LUZP2: variants seen among roughly 807,000 people sequenced by gnomAD.
The protein encoded by LUZP2 is leucine zipper protein 2.
LUZP2 carries 52 observed loss-of-function variants against 51.6 expected under a neutral mutation model. The observed-to-expected ratio is 1.01, with a 90% CI of 0.81 to 1.27. The LOEUF is 1.27. LUZP2 is among the 50% of genes most tolerant of loss of function. LUZP2 has a pLI of 0.00. For missense variants in LUZP2, 436 were observed against 395.4 expected (o/e 1.10, Z -0.87); for synonymous variants, 154 against 137.3 (o/e 1.12, Z -0.85).
chr11:24,787,652 C>G (rs148851344), intron 5 of LUZP2, among the ~76,000 whole-genome samples: 2 of 152,194 alleles, frequency 1.3e-5, no homozygotes, highest in African/African-American at 4.8e-5. Context: ...CAACACTCAC[C>G]TCTATTTATT....
intron 10 of LUZP2, among the ~76,000 whole-genome samples, chr11:25,053,396 T>A (rs915280057): frequency 6.6e-6 from 1 of 152,116 alleles, no homozygotes; most frequent in African/African-American, 2.4e-5. Context: ...TATATAATTT[T>A]AAAAAAGCTT....
At chr11:25,022,402 A>G (rs1489687485) in intron 9 of LUZP2, among the ~76,000 whole-genome samples, 2 of 152,082 alleles carry the variant, frequency 1.3e-5, no homozygotes, top group Non-Finnish European at 2.9e-5. Flanking sequence ...AAACAAGTAA[A>G]TGAAACATTT....
At chr11:24,851,736 C>T (rs1851400330) in intron 5 of LUZP2, among the ~76,000 whole-genome samples, 1 of 152,104 alleles carries the variant, frequency 6.6e-6, no homozygotes, top group Non-Finnish European at 1.5e-5. Context: ...GGCTGTGAAT[C>T]CGTCTCATCC....
intron 1 of LUZP2, among the ~76,000 whole-genome samples, chr11:24,557,024 G>A (rs186495993): frequency 8.5e-5 from 13 of 152,146 alleles, no homozygotes; most frequent in African/African-American, 3.1e-4. Flanking sequence ...CTCTTTCCAT[G>A]TCTTATTCTA....
chr11:24,712,152 T>A (rs537950090), intron 1 of LUZP2, among the ~76,000 whole-genome samples: 7 of 152,212 alleles, frequency 4.6e-5, no homozygotes, highest in Non-Finnish European at 1.0e-4. Flanking sequence ...TGGACTCAGT[T>A]GCTCACACCT....
Position 25,044,622 on chromosome 11 carries a change from C to T in LUZP2, c.766-5416C>T, listed in dbSNP as rs150734216. 1.9e-3 allele frequency among the ~76,000 whole-genome samples: 287 copies of T among 152,150 alleles called. 15 individuals carry two copies. In the East Asian group the frequency reaches 0.045, roughly 24 times the overall value. On this transcript the variant is annotated intron_variant, in intron 9 of 11. Transcript: ENST00000336930. ...AAGTAATTAATGGTGGGACTGTAAACTAGTTCAACCATTGTGGAAGTCAGT... is the reference window on the plus strand; with the variant it reads ...AAGTAATTAATGGTGGGACTGTAAATTAGTTCAACCATTGTGGAAGTCAGT...
Position 24,933,463 on chromosome 11 carries a change from G to C in LUZP2, c.522+18925G>C, listed in dbSNP as rs115107751. Among the ~76,000 whole-genome samples the C allele has an allele frequency of 5.9e-3, 892 of 152,228 alleles. 6 individuals carry two copies. Among genetic ancestry groups the C allele is most frequent in the African/African-American group, 0.02 (844 of 41,540 alleles). ...TACAAAACTTCAATATAAGTCTCCTGACCAGGTTTATTCATTTGTTCAAAA... is the reference window on the plus strand; with the variant it reads ...TACAAAACTTCAATATAAGTCTCCTCACCAGGTTTATTCATTTGTTCAAAA... On this transcript the variant is annotated intron_variant, in intron 7 of 11. Transcript: ENST00000336930.
chr11:24,717,696 T>G (rs992046988), intron 1 of LUZP2, among the ~76,000 whole-genome samples: 2 of 151,934 alleles, frequency 1.3e-5, no homozygotes, highest in African/African-American at 4.8e-5. Flanking sequence ...ATTACAGGCG[T>G]GAGCCACCGC....
chr11:24,705,090 C>A (rs894972713), intron 1 of LUZP2, among the ~76,000 whole-genome samples: 9 of 151,448 alleles, frequency 5.9e-5, no homozygotes, highest in Admixed American at 4.6e-4. Flanking sequence ...TTTTTTCATT[C>A]TTTTTTTTCT....
chr11:24,769,842 G>C (rs1212661605), intron 5 of LUZP2, among the ~76,000 whole-genome samples: 1 of 151,044 alleles, frequency 6.6e-6, no homozygotes, highest in Admixed American at 6.6e-5. Context: ...ACCCAGGCTG[G>C]AGTGCAGTGG....
intron 1 of LUZP2, among the ~76,000 whole-genome samples, chr11:24,638,375 T>TATATTGACTAAAATATAA (rs1855173539): frequency 6.6e-6 from 1 of 151,654 alleles, no homozygotes. Flanking sequence ...AATAACATTA[T>TATATTGACTAAAATATAA]ATATTGACTA....
intron 1 of LUZP2, among the ~76,000 whole-genome samples, chr11:24,631,553 T>C (rs540938992): frequency 5.2e-4 from 79 of 152,098 alleles, no homozygotes; most frequent in Non-Finnish European, 1.1e-3. Flanking sequence ...TATCCTTGTA[T>C]CCCTTCGTTG....
intron 9 of LUZP2, among the ~76,000 whole-genome samples, chr11:24,994,085 T>C (rs1049822689): frequency 4.0e-5 from 6 of 151,816 alleles, no homozygotes; most frequent in African/African-American, 1.5e-4. Context: ...GGTCTCGAAC[T>C]GCTGACGTCA....
At chr11:24,876,574 G>A (rs1426568143) in intron 5 of LUZP2, among the ~76,000 whole-genome samples, 47 of 148,286 alleles carry the variant, frequency 3.2e-4, no homozygotes, top group Non-Finnish European at 3.0e-4. Context: ...TTGACTTGGC[G>A]ATGCGGGCTC....
At chr11:24,826,345 CAG>C (rs141687164) in intron 5 of LUZP2, among the ~76,000 whole-genome samples, 1,728 of 151,002 alleles carry the variant, frequency 0.011, 37 homozygotes, top group African/African-American at 0.039. Flanking sequence ...CTCTGAGACT[CAG>C]GGGTGGTTTA....
chr11:24,548,775 T>A (rs951409934), intron 1 of LUZP2, among the ~76,000 whole-genome samples: 5 of 151,978 alleles, frequency 3.3e-5, no homozygotes, highest in Admixed American at 2.0e-4. Context: ...TAAAATATAC[T>A]AAAATGTCTG....
At chr11:24,787,563 A>G (rs977788551) in intron 5 of LUZP2, among the ~76,000 whole-genome samples, 2 of 152,236 alleles carry the variant, frequency 1.3e-5, no homozygotes, top group Middle Eastern at 3.4e-3. Flanking sequence ...AGAGGCAGTG[A>G]TTGACTGTAG....
chr11:24,899,497 A>C (rs1482925670), intron 5 of LUZP2, among the ~76,000 whole-genome samples: 2 of 152,098 alleles, frequency 1.3e-5, no homozygotes, highest in African/African-American at 4.8e-5. Flanking sequence ...ACTTTAATTG[A>C]GAGAAAGATA....
At chr11:24,628,098 G>A (rs1854746165) in intron 1 of LUZP2, among the ~76,000 whole-genome samples, 1 of 152,002 alleles carries the variant, frequency 6.6e-6, no homozygotes, top group South Asian at 2.1e-4. Flanking sequence ...AAGGAGCAGG[G>A]TTGCATGGCA....
Sources: allele counts gnomAD v4.1 joint callset (sites outside exome capture counted in the v4.1 genomes callset), GRCh38; gene constraint gnomAD v4.1.1; transcripts MANE v1.5; gene names NCBI Gene and HGNC (gene_info 2026-07-23, HGNC 2026-07-21).